The following LINGO2 variants were observed in gnomAD, a reference collection of about 807,000 sequenced individuals.
LINGO2 encodes leucine rich repeat and Ig domain containing 2, also known as leucine-rich repeat and immunoglobulin-like domain-containing nogo receptor-interacting protein 2.
A neutral mutation model predicts 30.6 loss-of-function variants in LINGO2; 14 were observed. The observed-to-expected ratio is 0.46, with a 90% CI of 0.30 to 0.72. The LOEUF (loss-of-function observed/expected upper bound fraction) is 0.72, where lower values mean the gene tolerates loss of function less well. Ranked by LOEUF, LINGO2 falls within the 30% of genes least tolerant of loss-of-function variation. The pLI is 0.07. For missense variants in LINGO2, 729 were observed against 751.7 expected, an observed-to-expected ratio of 0.97 and a Z score of 0.35; for synonymous variants, 317 against 288.5, an observed-to-expected ratio of 1.10 and a Z score of -1.00.
At chr9:28,364,233 C>G (rs777793091) in intron 3 of LINGO2, among the ~76,000 whole-genome samples, 1 of 152,122 alleles carries the variant, frequency 6.6e-6, no homozygotes, top group Non-Finnish European at 1.5e-5. Context: ...GGATATGTTG[C>G]AAGTGATTGA....
intron 3 of LINGO2, among the ~76,000 whole-genome samples, chr9:28,351,953 C>A (rs1342832955): frequency 6.6e-6 from 1 of 151,278 alleles, no homozygotes; most frequent in Non-Finnish European, 1.5e-5. Flanking sequence ...TTCAACAACC[C>A]TTCATGCTAA....
intron 1 of LINGO2, among the ~76,000 whole-genome samples, chr9:28,492,444 C>T (rs143529854): frequency 6.6e-6 from 1 of 152,200 alleles, no homozygotes; most frequent in Non-Finnish European, 1.5e-5. Context: ...ATAAATGTTG[C>T]CACCGTTGTA....
At chr9:28,303,596 A>G (rs1241879253) in intron 3 of LINGO2, among the ~76,000 whole-genome samples, 1 of 152,206 alleles carries the variant, frequency 6.6e-6, no homozygotes, top group Middle Eastern at 3.2e-3. Context: ...ACATAACAGT[A>G]GATTAACACG....
chr9:29,144,176 T>C, the LINGO2 span, among the ~76,000 whole-genome samples: 36 of 152,196 alleles, frequency 2.4e-4, no homozygotes, highest in African/African-American at 4.8e-4. Context: ...TATAGCCTTG[T>C]AGTAGAGTTT....
At chr9:28,274,307 A>G (rs1429184804) in intron 4 of LINGO2, among the ~76,000 whole-genome samples, 13 of 152,132 alleles carry the variant, frequency 8.5e-5, no homozygotes, top group Admixed American at 8.5e-4. Context: ...TAGTAATTTT[A>G]AAAAAGTAAC....
the LINGO2 span, among the ~76,000 whole-genome samples, chr9:28,749,241 G>C: frequency 2.0e-5 from 3 of 151,926 alleles, no homozygotes; most frequent in East Asian, 5.8e-4. Context: ...TCTTAGCAAA[G>C]CCCTCTCCTC....
intron 4 of LINGO2, among the ~76,000 whole-genome samples, chr9:28,154,775 T>C (rs1215104756): frequency 6.6e-6 from 1 of 152,214 alleles, no homozygotes; most frequent in Admixed American, 6.5e-5. Flanking sequence ...AATGCCCTAA[T>C]AGGATTACAA....
At chr9:28,739,808 A>C in the LINGO2 span, among the ~76,000 whole-genome samples, 1 of 151,554 alleles carries the variant, frequency 6.6e-6, no homozygotes, top group African/African-American at 2.4e-5. Flanking sequence ...TAAGTTTTGA[A>C]ATCAGAAATA....
chr9:28,525,807 G>T (rs1016290283), intron 1 of LINGO2, among the ~76,000 whole-genome samples: 4 of 152,092 alleles, frequency 2.6e-5, no homozygotes, highest in African/African-American at 9.7e-5. Context: ...TGTAATCTCA[G>T]CACTTTGGGA....
At chr9:27,980,794 T>A (rs1820817645) in intron 5 of LINGO2, among the ~76,000 whole-genome samples, 1 of 151,856 alleles carries the variant, frequency 6.6e-6, no homozygotes, top group African/African-American at 2.4e-5. Flanking sequence ...TCAGTGAAGC[T>A]CAGGCAGCTT....
At chr9:29,043,118 G>T in the LINGO2 span, among the ~76,000 whole-genome samples, 1 of 151,848 alleles carries the variant, frequency 6.6e-6, no homozygotes, top group Non-Finnish European at 1.5e-5. Flanking sequence ...AGAAAAAGTA[G>T]ACTGAACAGA....
At chr9:29,020,256 C>T in the LINGO2 span, among the ~76,000 whole-genome samples, 1 of 152,146 alleles carries the variant, frequency 6.6e-6, no homozygotes, top group Non-Finnish European at 1.5e-5. Context: ...AACTAACGGA[C>T]TAATGGACAG....
chr9:29,079,138 T>C, the LINGO2 span, among the ~76,000 whole-genome samples: 302 of 132,828 alleles, frequency 2.3e-3, 5 homozygotes, highest in Non-Finnish European at 5.8e-4. Flanking sequence ...ACTATCTATG[T>C]TGACATGAAA....
chr9:28,607,818 T>C lies in LINGO2; in HGVS notation c.-365+62382A>G, dbSNP rs565459375. On this transcript the variant is annotated intron_variant, in intron 1 of 5. Transcript: ENST00000379992. ...TGGGTAGAGGGGTGGAACAATGTGA[T>C]GGGCCAACTTATGTATCAAGTAACC... 1.9e-4 allele frequency among the ~76,000 whole-genome samples: 29 copies of C among 152,110 alleles called. No homozygotes were observed. In the East Asian group the frequency reaches 4.8e-3, roughly 25 times the overall value.
At chr9:28,411,553 C>G (rs1246358910) in intron 2 of LINGO2, among the ~76,000 whole-genome samples, 4 of 152,076 alleles carry the variant, frequency 2.6e-5, no homozygotes, top group African/African-American at 9.7e-5. Flanking sequence ...TGTCTGATTT[C>G]AACAACTCTA....
intron 4 of LINGO2, among the ~76,000 whole-genome samples, chr9:28,017,466 G>A (rs1056709626): frequency 6.6e-6 from 1 of 151,956 alleles, no homozygotes; most frequent in African/African-American, 2.4e-5. Flanking sequence ...AAAGCCCCTT[G>A]GTCAGATAAA....
At chr9:28,518,257 A>T (rs1276642273) in intron 1 of LINGO2, among the ~76,000 whole-genome samples, 3 of 152,204 alleles carry the variant, frequency 2.0e-5, no homozygotes, top group African/African-American at 7.2e-5. Flanking sequence ...AGAAGAAAAG[A>T]CAAGTTTCCT....
At chr9:28,863,727 AC>A in the LINGO2 span, 1 of 492,694 alleles carries the variant, frequency 2.0e-6, no homozygotes, top group Non-Finnish European at 4.3e-6. Flanking sequence ...AAAGCCTGGT[AC>A]CTATGAACCA....
At chr9:28,181,859 A>G (rs1179248308) in intron 4 of LINGO2, among the ~76,000 whole-genome samples, 1 of 152,162 alleles carries the variant, frequency 6.6e-6, no homozygotes, top group African/African-American at 2.4e-5. Context: ...GATAAGAAGA[A>G]TCAACATCAT....
Sources: gnomAD v4.1 joint callset for allele counts (sites outside exome capture counted in the v4.1 genomes callset) on GRCh38, gnomAD v4.1.1 for gene constraint, MANE v1.5 for transcripts, NCBI Gene and HGNC (gene_info 2026-07-23, HGNC 2026-07-21) for gene names.